The following RFTN2 variants were observed in gnomAD, a reference collection of about 807,000 sequenced individuals.
RFTN2 encodes raftlin-2.
RFTN2 carries 34 observed loss-of-function variants against 52.7 expected under a neutral mutation model. That is an observed-to-expected ratio of 0.64 (90% CI 0.49 to 0.86). RFTN2 has a LOEUF of 0.86. Among genes scored for constraint, RFTN2 ranks in the 40% least tolerant of loss-of-function variants. The pLI is 0.00. For missense variants in RFTN2, 536 were observed against 600.1 expected (o/e 0.89, Z 1.12); for synonymous variants, 203 against 217.7 (o/e 0.93, Z 0.59).
intron 7 of RFTN2, among the ~76,000 whole-genome samples, chr2:197,612,507 G>A (rs1352447130): frequency 6.6e-6 from 1 of 152,182 alleles, no homozygotes; most frequent in Non-Finnish European, 1.5e-5. Context: ...AACTCAGCTG[G>A]TTTGGTCCTC....
intron 8 of RFTN2, among the ~76,000 whole-genome samples, chr2:197,580,988 T>C (rs1406902174): frequency 6.6e-6 from 1 of 151,956 alleles, no homozygotes; most frequent in Non-Finnish European, 1.5e-5. Context: ...TCCTCTCGCA[T>C]CCCCCCAACT....
At chr2:197,624,504 A>G (rs1574717702) in intron 5 of RFTN2, among the ~76,000 whole-genome samples, 1 of 149,556 alleles carries the variant, frequency 6.7e-6, no homozygotes, top group Middle Eastern at 3.4e-3. Context: ...AGACTGAGGC[A>G]GGAGAATGGC....
At chr2:197,602,890 A>G (rs780214842) in intron 7 of RFTN2, among the ~76,000 whole-genome samples, 3 of 152,240 alleles carry the variant, frequency 2.0e-5, no homozygotes, top group African/African-American at 4.8e-5. Context: ...ATACTATGCA[A>G]CCATAAAAAA....
At chr2:197,662,566 A>G (rs1433048589) in intron 1 of RFTN2, among the ~76,000 whole-genome samples, 1 of 151,972 alleles carries the variant, frequency 6.6e-6, no homozygotes, top group Non-Finnish European at 1.5e-5. Context: ...TTTTTTTCCT[A>G]AAATTTTTTG....
intron 1 of RFTN2, among the ~76,000 whole-genome samples, chr2:197,650,776 A>G (rs1482556498): frequency 6.6e-6 from 1 of 152,130 alleles, no homozygotes; most frequent in East Asian, 1.9e-4. Context: ...TATCTTTGAG[A>G]TCCTGCTTTT....
chr2:197,586,815 G>A (rs907586866), intron 8 of RFTN2, among the ~76,000 whole-genome samples: 3 of 152,044 alleles, frequency 2.0e-5, no homozygotes, highest in Non-Finnish European at 4.4e-5. Context: ...CTCCAAAACC[G>A]CCGAGGCCTT....
chr2:197,585,734 C>T (rs937558623), intron 8 of RFTN2, among the ~76,000 whole-genome samples: 12 of 152,166 alleles, frequency 7.9e-5, no homozygotes, highest in Non-Finnish European at 1.8e-4. Context: ...TCTCCCTACA[C>T]CTCCGAACTT....
chr2:197,582,483 G>T (rs2087525820), intron 8 of RFTN2, among the ~76,000 whole-genome samples: 1 of 152,110 alleles, frequency 6.6e-6, no homozygotes. Flanking sequence ...AGTTCTACCA[G>T]GCCTAATTGC....
intron 5 of RFTN2, among the ~76,000 whole-genome samples, chr2:197,623,553 A>C (rs1347168892): frequency 1.3e-5 from 2 of 152,178 alleles, no homozygotes; most frequent in Non-Finnish European, 2.9e-5. Flanking sequence ...ATCTCAGCTC[A>C]CTGCAACCTC....
chr2:197,616,268 C>CATTTTATTTATTTTATTTTTTTT (rs372876451), intron 6 of RFTN2, among the ~76,000 whole-genome samples: 65 of 60,822 alleles, frequency 1.1e-3, no homozygotes, highest in South Asian at 3.8e-3. Flanking sequence ...TGGGAATCTG[C>CATTTTATTTATTTTATTTTTTTT]ATTTTATTTT....
At chr2:197,655,928 G>A (rs181057326) in intron 1 of RFTN2, among the ~76,000 whole-genome samples, 68 of 152,276 alleles carry the variant, frequency 4.5e-4, no homozygotes, top group Non-Finnish European at 6.9e-4. Flanking sequence ...AATGTCTTTT[G>A]ATAAAACTGT....
intron 5 of RFTN2, among the ~76,000 whole-genome samples, chr2:197,624,856 G>T (rs902514064): frequency 3.9e-5 from 6 of 152,034 alleles, no homozygotes; most frequent in African/African-American, 1.4e-4. Flanking sequence ...GGCCAACGTG[G>T]GAAGATTGCT....
chr2:197,633,946 G>A lies in RFTN2; in HGVS notation c.490C>T (p.His164Tyr), dbSNP rs1232795785. The A allele has an allele frequency of 2.5e-6, 4 of 1,613,082 alleles. No homozygotes were observed. The Admixed American group carries it at 5.0e-5, about 20-fold the overall frequency. Residue 164 changes from histidine to tyrosine, a missense_variant, in exon 4 of 9, where the codon CAT becomes TAT. Physicochemically the swap from His to Tyr is moderately conservative, Grantham distance 83. Transcript: ENST00000295049. ...TTGCAGAATTTAGATGGAGAATAAT[G>A]CTGTGATATGAATCCAACAAATTTC... ...GMKFVGFISQ[H>Y]YSPSKFCNGT... is the part of the protein sequence containing the mutation.
intron 7 of RFTN2, among the ~76,000 whole-genome samples, chr2:197,613,157 T>C (rs2088091030): frequency 6.6e-6 from 1 of 152,200 alleles, no homozygotes; most frequent in African/African-American, 2.4e-5. Context: ...TGAAACATCC[T>C]GATTTAGGAC....
At chr2:197,595,549 G>C (rs1210194848) in intron 8 of RFTN2, among the ~76,000 whole-genome samples, 1 of 152,168 alleles carries the variant, frequency 6.6e-6, no homozygotes, top group African/African-American at 2.4e-5. Context: ...TTGTGAGAAG[G>C]CAAATACATG....
intron 1 of RFTN2, among the ~76,000 whole-genome samples, chr2:197,655,986 A>G (rs2088889870): frequency 6.6e-6 from 1 of 152,200 alleles, no homozygotes; most frequent in Non-Finnish European, 1.5e-5. Context: ...AAAAATACTT[A>G]TTAAAAGACC....
intron 3 of RFTN2, among the ~76,000 whole-genome samples, chr2:197,642,194 T>A (rs917374382): frequency 6.6e-6 from 1 of 152,232 alleles, no homozygotes; most frequent in African/African-American, 2.4e-5. Flanking sequence ...AAACCACAGA[T>A]AATCTTACAT....
chr2:197,674,808 C>A (rs2089194743), intron 1 of RFTN2, among the ~76,000 whole-genome samples: 1 of 148,204 alleles, frequency 6.7e-6, no homozygotes, highest in Non-Finnish European at 1.5e-5. Context: ...TTTTTTTTAA[C>A]TACATTTTCA....
intron 5 of RFTN2, among the ~76,000 whole-genome samples, chr2:197,624,852 C>T (rs903038567): frequency 1.1e-4 from 16 of 151,944 alleles, no homozygotes; most frequent in Admixed American, 3.3e-4. Flanking sequence ...AAGAGGCCAA[C>T]GTGGGAAGAT....
Sources: allele counts gnomAD v4.1 joint callset (sites outside exome capture counted in the v4.1 genomes callset), GRCh38; gene constraint gnomAD v4.1.1; transcripts MANE v1.5; gene names NCBI Gene and HGNC (gene_info 2026-07-23, HGNC 2026-07-21).